PEX5: variants seen among roughly 807,000 people sequenced by gnomAD.
The protein encoded by PEX5 is PTS1 receptor.
In PEX5, 52 loss-of-function variants were observed where a neutral mutation model predicts 82.9. That is an observed-to-expected ratio of 0.63 (90% CI 0.50 to 0.79). The LOEUF is 0.79. PEX5 is among the 30% of genes least tolerant of loss of function. PEX5 has a pLI of 0.00. For synonymous variants in PEX5, 300 were observed against 318.8 expected (o/e 0.94, Z 0.63); for missense variants, 719 against 815.2 (o/e 0.88, Z 1.44).
At chr12:7,214,047 G>A (rs1945706448), downstream of PEX5, among the ~76,000 whole-genome samples, 1 of 152,186 alleles carries the variant, frequency 6.6e-6, no homozygotes, top group Admixed American at 6.5e-5. Context: ...CAGTTAGAAT[G>A]GCAGTCATTA....
rs773609542 is a variant in PEX5, at chr12:7,191,645, A to C, written c.393A>C (p.Val131=). 2 of 1,613,758 alleles carry C rather than the reference A, an allele frequency of 1.2e-6. No homozygotes were observed. Among genetic ancestry groups the C allele is most frequent in the Non-Finnish European group, 1.7e-6 (2 of 1,179,676 alleles). Residue 131 remains valine (V), a synonymous_variant, in exon 5 of 16, where the codon GTA becomes GTC. Transcript: ENST00000675855. ...TTGCAGCTGGAGATGCTGTGGATGT[A>C]ACTCAGGATTATAATGAGACTGACT... ...EFLAAGDAVD[V]TQDYNETDWS...
chr12:7,207,898 G>T, intron 11 of PEX5, 96 bp downstream of exon 11: 1 of 1,537,196 alleles, frequency 6.5e-7, no homozygotes, highest in South Asian at 1.1e-5. Context: ...TAGGGCCTGG[G>T]TGATGGCCTA....
chr12:7,207,355 G>GT (rs1013179664), intron 10 of PEX5, among the ~76,000 whole-genome samples: 1 of 152,182 alleles, frequency 6.6e-6, no homozygotes, highest in African/African-American at 2.4e-5. Flanking sequence ...GTGGTGAGAA[G>GT]TCAAGGTGTG....
chr12:7,203,215 ACTGC>A (rs1944354147), intron 9 of PEX5, among the ~76,000 whole-genome samples: 2 of 12,504 alleles, frequency 1.6e-4, no homozygotes, highest in Non-Finnish European at 6.5e-4. Context: ...ACTGCACTGC[ACTGC>A]ACTACATTAC....
intron 17 of PEX5, among the ~76,000 whole-genome samples, chr12:7,216,691 A>G (rs1331229717): frequency 6.6e-6 from 1 of 152,220 alleles, no homozygotes; most frequent in Non-Finnish European, 1.5e-5. Flanking sequence ...CAAAAACAAA[A>G]CAACTTTTAG....
At chr12:7,200,094 G>A (rs1350450123) in intron 6 of PEX5, among the ~76,000 whole-genome samples, 1 of 144,516 alleles carries the variant, frequency 6.9e-6, no homozygotes, top group African/African-American at 2.5e-5. Flanking sequence ...CCTCCCGGAC[G>A]GGGTGGCTGC....
intron 5 of PEX5, among the ~76,000 whole-genome samples, chr12:7,197,881 GA>G (rs1555176591): frequency 6.6e-6 from 1 of 152,170 alleles, no homozygotes; most frequent in Non-Finnish European, 1.5e-5. Flanking sequence ...TCCCCCTTGG[GA>G]ACTGTCCTTG....
chr12:7,202,170 C>T, intron 7 of PEX5, 71 bp from the exon 8 acceptor site: 5 of 1,611,988 alleles, frequency 3.1e-6, no homozygotes, highest in Non-Finnish European at 4.2e-6. Flanking sequence ...ACAGGGTCCT[C>T]TTGGGCATGG....
At chr12:7,206,041 A>G (rs1401438269) in intron 10 of PEX5, among the ~76,000 whole-genome samples, 1 of 152,240 alleles carries the variant, frequency 6.6e-6, no homozygotes, top group Admixed American at 6.5e-5. Flanking sequence ...AGGAAACTGC[A>G]TTATAGATGA....
Position 7,190,469 on chromosome 12 carries a change from G to A in PEX5, c.92G>A (p.Arg31Gln), listed in dbSNP as rs190526209. 8 of 1,614,106 alleles carry A rather than the reference G, an allele frequency of 5.0e-6. No homozygotes were observed. In the African/African-American group the frequency reaches 9.3e-5, roughly 19 times the overall value. The change falls in exon 2 of 16, where the codon CGG becomes CAG. Residue 31 changes from arginine to glutamine, a missense_variant. Coordinates refer to ENST00000675855, the MANE Select transcript of PEX5 (RefSeq NM_001351132.2). ...CACTTCACCCAGGACAAGGCCCTTCGGCAGGAGGGATTGAGGCCTGGCCCC... is the reference window on the plus strand; with the variant it reads ...CACTTCACCCAGGACAAGGCCCTTCAGCAGGAGGGATTGAGGCCTGGCCCC... ...AGHFTQDKAL[R>Q]QEGLRPGPWP...
intron 17 of PEX5, among the ~76,000 whole-genome samples, chr12:7,217,443 G>C (rs1340243030): frequency 6.6e-6 from 1 of 152,208 alleles, no homozygotes; most frequent in African/African-American, 2.4e-5. Context: ...ACTAGGGCTG[G>C]GATGTTCCAA....
At chr12:7,215,775 G>C (rs1298644915), downstream of PEX5, among the ~76,000 whole-genome samples, 1 of 151,946 alleles carries the variant, frequency 6.6e-6, no homozygotes, top group Non-Finnish European at 1.5e-5. Context: ...AAAAACTGTT[G>C]GGTACTATGC....
In PEX5 at chr12:7,210,263, A is replaced by AT. The variant is rs747657551; in HGVS notation, c.*41dup. 5.0e-6 allele frequency: 8 copies of AT among 1,588,716 alleles called. No individual in the cohort carries two copies. Among genetic ancestry groups the AT allele is most frequent in the South Asian group, 3.3e-5 (3 of 90,648 alleles). The stretch of plus-strand genomic sequence containing the variant: ...GCCCTGTGAGTGTCCACCTGGAGGG[A>AT]TCCCCGCTTTGGATGTGATTCCCTC... On this transcript the variant is annotated 3_prime_UTR_variant, in exon 16 of 16. Coordinates refer to ENST00000675855, the MANE Select transcript of PEX5 (RefSeq NM_001351132.2).
chr12:7,216,318 A>G (rs1945778427), downstream of PEX5, among the ~76,000 whole-genome samples: 1 of 152,184 alleles, frequency 6.6e-6, no homozygotes, highest in Non-Finnish European at 1.5e-5. Context: ...CTCTTAAATA[A>G]TGACAAAGGT....
rs1944101822 is a variant in PEX5, at chr12:7,201,858, T to TG, written c.642+18dup. ...AATTCTGAGGTGAGCCACATCCCTC[T>TG]GCTGCTTTGCCCAGCAGAGCTGGTT... is the stretch of plus-strand genomic sequence containing the variant. On this transcript the variant is annotated intron_variant, in intron 7 of 15. Transcript: ENST00000675855. 3 of 1,577,810 alleles carry TG rather than the reference T, an allele frequency of 1.9e-6. No homozygotes were observed.
chr12:7,207,983 T>G, intron 11 of PEX5, 27 bp from the exon 12 acceptor site: 1 of 1,591,086 alleles, frequency 6.3e-7, no homozygotes, highest in Non-Finnish European at 8.6e-7. Context: ...GAATATGGGG[T>G]GATGGAATCT....
chr12:7,200,090 G>A (rs11043980), intron 6 of PEX5, among the ~76,000 whole-genome samples: 39,046 of 130,066 alleles, frequency 0.3, 9,118 homozygotes, highest in South Asian at 0.39. Flanking sequence ...CCTCCCTCCC[G>A]GACGGGGTGG....
chr12:7,199,956 C>T (rs1261989818), intron 6 of PEX5, among the ~76,000 whole-genome samples: 1 of 120,114 alleles, frequency 8.3e-6, no homozygotes, highest in African/African-American at 3.1e-5. Context: ...CTGGACGGGG[C>T]GGCTGGCCGG....
rs1269370911 is a variant in PEX5, at chr12:7,211,130, A to G, written c.*907A>G. On this transcript the variant is annotated 3_prime_UTR_variant, in exon 16 of 16. Coordinates refer to ENST00000675855, the MANE Select transcript of PEX5 (RefSeq NM_001351132.2). ...GAAAGTGCAATCTTGCCAGATTTCT[A>G]GCAAATAGGTTCAGTGTTACCATAA... The G allele has an allele frequency of 6.5e-6, 1 of 152,756 alleles. No homozygotes were observed. Among genetic ancestry groups the G allele is most frequent in the East Asian group, 1.9e-4 (1 of 5,196 alleles). 9.5% of individuals were successfully genotyped at this position (152,756 alleles called of 1,614,324 possible).
Sources: gnomAD v4.1 joint callset for allele counts (sites outside exome capture counted in the v4.1 genomes callset) on GRCh38, gnomAD v4.1.1 for gene constraint, MANE v1.5 for transcripts, NCBI Gene and HGNC (gene_info 2026-07-23, HGNC 2026-07-21) for gene names.